CELF4: variants seen among roughly 807,000 people sequenced by gnomAD.
CELF4 encodes CUGBP Elav-like family member 4.
In CELF4, 18 loss-of-function variants were observed where a neutral mutation model predicts 59.9. That is an observed-to-expected ratio of 0.30 (90% CI 0.21 to 0.45). The LOEUF is 0.45. CELF4 is among the 20% of genes least tolerant of loss of function. The probability of loss-of-function intolerance (pLI) is 1.00; values close to 1 mark genes in which losing one functional copy is unlikely to be tolerated. For missense variants in CELF4, 456 were observed against 689.0 expected (o/e 0.66, Z 3.79); for synonymous variants, 261 against 267.1 (o/e 0.98, Z 0.22).
chr18:37,319,726 T>C (rs1204638826), intron 3 of CELF4, among the ~76,000 whole-genome samples: 3 of 152,220 alleles, frequency 2.0e-5, no homozygotes, highest in Non-Finnish European at 4.4e-5. Flanking sequence ...CGGTAAACTT[T>C]CTGAGAAATG....
chr18:37,293,363 T>C (rs79652254), intron 3 of CELF4, among the ~76,000 whole-genome samples: 4,337 of 152,286 alleles, frequency 0.028, 201 homozygotes, highest in African/African-American at 0.1. Flanking sequence ...CTTTCTTTAG[T>C]TGTAGCTGCG....
chr18:37,451,857 G>A (rs1603641540), intron 2 of CELF4, among the ~76,000 whole-genome samples: 2 of 152,206 alleles, frequency 1.3e-5, no homozygotes, highest in East Asian at 3.9e-4. Context: ...CTGGAATGGA[G>A]TGGGCTTCTC....
intron 2 of CELF4, among the ~76,000 whole-genome samples, chr18:37,445,581 G>A (rs1399410119): frequency 6.6e-6 from 1 of 152,100 alleles, no homozygotes; most frequent in Admixed American, 6.5e-5. Context: ...GCAGAGGAGG[G>A]GGGAGCAGGG....
intron 5 of CELF4, 122 bp from the exon 6 acceptor site, chr18:37,274,576 C>T: frequency 6.3e-7 from 1 of 1,580,332 alleles, no homozygotes; most frequent in South Asian, 1.1e-5. Flanking sequence ...GCGGCATCGG[C>T]GCTCGCCCAG....
Position 37,534,124 on chromosome 18 carries a change from C to T in CELF4, c.286+31232G>A, listed in dbSNP as rs73947551. On this transcript the variant is annotated intron_variant, in intron 1 of 12. Coordinates refer to ENST00000420428, the MANE Select transcript of CELF4 (RefSeq NM_020180.4). ...CAATATTTGCCTTATGGCATCAGAG[C>T]GGCGTTTCCCGTATTCACATAGTTA... Among the ~76,000 whole-genome samples, 856 of 152,292 alleles carry T rather than the reference C, an allele frequency of 5.6e-3. 7 individuals carry two copies. The highest frequency in any genetic ancestry group is 0.018 in the African/African-American group (756 of 41,550).
At chr18:37,248,871 T>C (rs1207799139) in intron 12 of CELF4, among the ~76,000 whole-genome samples, 1 of 151,144 alleles carries the variant, frequency 6.6e-6, no homozygotes, top group Non-Finnish European at 1.5e-5. Context: ...AAGGCCTGTG[T>C]GCCAGGTTGA....
intron 3 of CELF4, among the ~76,000 whole-genome samples, chr18:37,312,124 A>AG (rs1469851062): frequency 8.5e-6 from 1 of 118,006 alleles, no homozygotes; most frequent in African/African-American, 2.9e-5. Context: ...AAAAAAAAAA[A>AG]AAAAAAGAAA....
chr18:37,457,119 G>A (rs1480337927), intron 2 of CELF4, among the ~76,000 whole-genome samples: 1 of 152,174 alleles, frequency 6.6e-6, no homozygotes, highest in Middle Eastern at 3.2e-3. Context: ...GCTTGCAGAA[G>A]CCGGGGTGCC....
chr18:37,335,829 T>C (rs1220087264), intron 2 of CELF4, among the ~76,000 whole-genome samples: 1 of 152,122 alleles, frequency 6.6e-6, no homozygotes, highest in Non-Finnish European at 1.5e-5. Flanking sequence ...ATCCTCTCCC[T>C]TTTCCTCAAT....
intron 2 of CELF4, among the ~76,000 whole-genome samples, chr18:37,386,240 G>A (rs1569568383): frequency 6.6e-6 from 1 of 152,168 alleles, no homozygotes; most frequent in Non-Finnish European, 1.5e-5. Flanking sequence ...TATGTGATGT[G>A]TTGAAATAAA....
At chr18:37,362,305 T>C (rs2098716189) in intron 2 of CELF4, among the ~76,000 whole-genome samples, 1 of 152,076 alleles carries the variant, frequency 6.6e-6, no homozygotes, top group African/African-American at 2.4e-5. Flanking sequence ...TCTTACCAAA[T>C]GGCATTTAAA....
At chr18:37,263,700 G>T (rs2076040398) in intron 10 of CELF4, among the ~76,000 whole-genome samples, 1 of 152,034 alleles carries the variant, frequency 6.6e-6, no homozygotes, top group African/African-American at 2.4e-5. Context: ...CTGACCCAAA[G>T]ATCTTGCTGT....
At chr18:37,262,318 G>T (rs760311710) in intron 10 of CELF4, among the ~76,000 whole-genome samples, 4 of 151,860 alleles carry the variant, frequency 2.6e-5, no homozygotes, top group Non-Finnish European at 5.9e-5. Context: ...AATAGCAGCA[G>T]ATCCTGCCAC....
At chr18:37,533,078 C>T (rs1038815242) in intron 1 of CELF4, among the ~76,000 whole-genome samples, 2 of 152,272 alleles carry the variant, frequency 1.3e-5, no homozygotes, top group Admixed American at 6.5e-5. Context: ...ACTTCCAGAA[C>T]GCAGCCTTCC....
At chr18:37,367,194 T>G (rs138602518) in intron 2 of CELF4, among the ~76,000 whole-genome samples, 132 of 151,796 alleles carry the variant, frequency 8.7e-4, no homozygotes, top group Middle Eastern at 6.8e-3. Context: ...GTGGTGGTGG[T>G]GGTGATGGTG....
rs2061335749 is a variant in CELF4 at position 37,244,389 on chromosome 18, C to T, written c.*853G>A. On this transcript the variant is annotated 3_prime_UTR_variant, in exon 13 of 13. Transcript: ENST00000420428. ...GAGTTTTAAGATTTGTGTTGCTTTC[C>T]CCAAATATCCACCAATTTGTTCATC... 1 of 152,292 alleles carries T rather than the reference C, an allele frequency of 6.6e-6. No individual in the cohort carries two copies. Among genetic ancestry groups the T allele is most frequent in the Non-Finnish European group, 1.5e-5 (1 of 67,980 alleles). The allele number at this position is 152,292 out of a possible 1,614,324, so 9.4% of individuals were successfully genotyped here.
intron 2 of CELF4, among the ~76,000 whole-genome samples, chr18:37,481,655 G>T (rs1215263817): frequency 6.6e-6 from 1 of 152,212 alleles, no homozygotes; most frequent in African/African-American, 2.4e-5. Context: ...CTCCTGGCCT[G>T]TTGTGTGTGC....
At chr18:37,423,064 G>GCGCACACACA (rs1557422716) in intron 2 of CELF4, among the ~76,000 whole-genome samples, 18 of 150,524 alleles carry the variant, frequency 1.2e-4, no homozygotes, top group South Asian at 4.2e-4. Flanking sequence ...GCGCGCGCGC[G>GCGCACACACA]CACACACACA....
intron 3 of CELF4, among the ~76,000 whole-genome samples, chr18:37,281,787 T>A (rs1296490069): frequency 6.6e-6 from 1 of 152,224 alleles, no homozygotes; most frequent in African/African-American, 2.4e-5. Flanking sequence ...GAGCCCAGGG[T>A]CATCCCATGC....
Sources: gnomAD v4.1 joint callset for allele counts (sites outside exome capture counted in the v4.1 genomes callset) on GRCh38, gnomAD v4.1.1 for gene constraint, MANE v1.5 for transcripts, NCBI Gene and HGNC (gene_info 2026-07-23, HGNC 2026-07-21) for gene names.